Variants in FNIP2 observed in about 807,000 individuals in gnomAD.
FNIP2 encodes folliculin-interacting protein 2.
In FNIP2, 32 loss-of-function variants were observed where a neutral mutation model predicts 108.7. The observed-to-expected ratio is 0.29, with a 90% CI of 0.22 to 0.40. The LOEUF (loss-of-function observed/expected upper bound fraction) is 0.40. FNIP2 is among the 10% of genes least tolerant of loss of function. FNIP2 has a pLI of 1.00. For missense variants in FNIP2, 1,202 were observed against 1,381.6 expected (o/e 0.87, Z 2.06); for synonymous variants, 480 against 496.7 (o/e 0.97, Z 0.45).
chr4:158,797,902 C>G (rs1245199027), intron 1 of FNIP2, among the ~76,000 whole-genome samples: 1 of 152,150 alleles, frequency 6.6e-6, no homozygotes, highest in African/African-American at 2.4e-5. Context: ...CTGGCAAGAC[C>G]TTCTCCCACA....
At chr4:158,775,713 ACTTT>A (rs1282832803) in intron 1 of FNIP2, among the ~76,000 whole-genome samples, 4 of 152,082 alleles carry the variant, frequency 2.6e-5, no homozygotes, top group Admixed American at 2.0e-4. Context: ...TCCTTATTGC[ACTTT>A]CTGTTTGTGC....
At chr4:158,795,635 G>A (rs970005104) in intron 1 of FNIP2, among the ~76,000 whole-genome samples, 8 of 152,150 alleles carry the variant, frequency 5.3e-5, no homozygotes, top group South Asian at 2.1e-4. Flanking sequence ...CCCTAAACCA[G>A]GGGTCCCCAA....
chr4:158,899,539 G>A (rs1369379749), intron 16 of FNIP2, among the ~76,000 whole-genome samples: 1 of 152,214 alleles, frequency 6.6e-6, no homozygotes, highest in Admixed American at 6.5e-5. Flanking sequence ...CTTGTTATCA[G>A]TCTATTCAGG....
chr4:158,868,436 G>A lies in FNIP2; in HGVS notation c.1800G>A (p.Glu600=). ...RHNPWPTGFP[E]CPEGTDSRDL... ...ACCCCTGGCCGACAGGGTTTCCTGAGTGCCCAGAGGGCACTGACAGTAGAG... is the reference window on the plus strand; with the variant it reads ...ACCCCTGGCCGACAGGGTTTCCTGAATGCCCAGAGGGCACTGACAGTAGAG... The change falls in exon 13 of 17, where the codon GAG becomes GAA. Residue 600 remains glutamate (E), a synonymous_variant. Transcript: ENST00000264433. The surrounding 1 kb of genome is among the most constrained non-coding windows in gnomAD (Gnocchi z 4.6). 1 of 1,613,996 alleles carries A rather than the reference G, an allele frequency of 6.2e-7. No individual in the cohort carries two copies. Among genetic ancestry groups the A allele is most frequent in the Non-Finnish European group, 8.5e-7 (1 of 1,179,886 alleles).
intron 7 of FNIP2, among the ~76,000 whole-genome samples, chr4:158,847,871 TG>T: frequency 6.6e-6 from 1 of 152,290 alleles, no homozygotes; most frequent in Middle Eastern, 3.4e-3. Flanking sequence ...GTAGCCACTA[TG>T]GGCCCGTGGT....
chr4:158,785,986 A>T (rs1012082646), intron 1 of FNIP2, among the ~76,000 whole-genome samples: 9 of 152,216 alleles, frequency 5.9e-5, no homozygotes, highest in Non-Finnish European at 1.3e-4. Flanking sequence ...TCATAAGAAT[A>T]GTTTGAAGAT....
intron 1 of FNIP2, among the ~76,000 whole-genome samples, chr4:158,788,359 A>G (rs1776291559): frequency 6.6e-6 from 1 of 152,224 alleles, no homozygotes; most frequent in Non-Finnish European, 1.5e-5. Context: ...ATCTGTATTC[A>G]CTTTGCAATA....
intron 1 of FNIP2, among the ~76,000 whole-genome samples, chr4:158,792,651 A>G (rs1191844604): frequency 6.6e-6 from 1 of 152,224 alleles, no homozygotes; most frequent in African/African-American, 2.4e-5. Flanking sequence ...AAAATGTTGT[A>G]ATCAGCGGCT....
At position 158,907,920 on chromosome 4, in the gene FNIP2, A is replaced by ACTT. The variant is rs1729980698; in HGVS notation, c.*3378_*3380dup. On this transcript the variant is annotated 3_prime_UTR_variant, in exon 17 of 17. Transcript: ENST00000264433. ...AAGCTCCATAAGAGAAATTGATAGG[A>ACTT]CTTCGTTTTTGATCAGTCTGAATAG... is the stretch of plus-strand genomic sequence containing the variant. 6.6e-6 allele frequency: 1 copy of ACTT among 152,194 alleles called. No homozygotes were observed. Among genetic ancestry groups the ACTT allele is most frequent in the East Asian group, 1.9e-4 (1 of 5,196 alleles). The allele number at this position is 152,194 out of a possible 1,614,324, so 9.4% of individuals were successfully genotyped here.
chr4:158,843,383 C>G (rs923185096), intron 7 of FNIP2, among the ~76,000 whole-genome samples: 1 of 152,210 alleles, frequency 6.6e-6, no homozygotes, highest in South Asian at 2.1e-4. Flanking sequence ...TCATCCTGCA[C>G]ATACTGTTTG....
In FNIP2 at chr4:158,859,028, C is replaced by A. The variant is rs748362947; in HGVS notation, c.858-29C>A. ...TTCAGTGTGACTCACTGATGCATGG[C>A]AACTTTTCAAACTTATATTTCCCTC... On this transcript the variant is annotated intron_variant, in intron 8 of 16. Coordinates refer to ENST00000264433, the MANE Select transcript of FNIP2 (RefSeq NM_020840.3). 5.6e-6 allele frequency: 9 copies of A among 1,606,722 alleles called. No homozygotes were observed. In the East Asian group the frequency reaches 2.0e-4, roughly 36 times the overall value.
At chr4:158,870,516 T>G (rs1331405832) in intron 14 of FNIP2, 47 bp downstream of exon 14, 10 of 1,559,622 alleles carry the variant, frequency 6.4e-6, no homozygotes, top group Non-Finnish European at 7.8e-6. Context: ...AGTGTGTCAG[T>G]CAAGGTCTTG....
At chr4:158,865,711 G>T (rs1009356018) in intron 12 of FNIP2, among the ~76,000 whole-genome samples, 5 of 152,120 alleles carry the variant, frequency 3.3e-5, no homozygotes, top group African/African-American at 1.2e-4. Context: ...ATATCCTGCG[G>T]CAATAGGCAG....
intron 16 of FNIP2, among the ~76,000 whole-genome samples, 180 bp from the exon 17 acceptor site, chr4:158,904,286 A>G (rs1020412378): frequency 2.0e-5 from 3 of 152,182 alleles, no homozygotes; most frequent in Admixed American, 6.5e-5. Context: ...GTCCACTGGA[A>G]TATTTTATTA....
chr4:158,855,856 A>G (rs1363661888), intron 8 of FNIP2, among the ~76,000 whole-genome samples: 1 of 152,232 alleles, frequency 6.6e-6, no homozygotes, highest in Non-Finnish European at 1.5e-5. Flanking sequence ...GGTACCAAAC[A>G]CTATGATTGC....
In FNIP2 at chr4:158,904,649, C is replaced by T; in HGVS notation, c.*105C>T. The T allele has an allele frequency of 1.0e-6, 1 of 959,974 alleles. No individual in the cohort carries two copies. The highest frequency in any genetic ancestry group is 1.6e-6 in the Non-Finnish European group (1 of 622,256). The allele number at this position is 959,974 out of a possible 1,614,324, so 59.5% of individuals were successfully genotyped here. A position where few individuals can be genotyped will look rare whatever the true frequency, so the allele number is the denominator to read the frequency against. ...ATGTCAAAAGCATGAGAAGAGCAAA[C>T]AGAAACAGTCATTCCACCTTTTTGT... is the stretch of plus-strand genomic sequence containing the variant. On this transcript the variant is annotated 3_prime_UTR_variant, in exon 17 of 17. Coordinates refer to ENST00000264433, the MANE Select transcript of FNIP2 (RefSeq NM_020840.3).
At chr4:158,834,538 G>C (rs1778690405) in intron 6 of FNIP2, 1 of 152,066 alleles carries the variant, frequency 6.6e-6, no homozygotes. Context: ...CTGACACCCT[G>C]ATAAAATTGA....
At chr4:158,836,425 A>G (rs1331715914) in intron 7 of FNIP2, 1 of 152,142 alleles carries the variant, frequency 6.6e-6, no homozygotes, top group Non-Finnish European at 1.5e-5. Flanking sequence ...AAGTAATAGC[A>G]TTTTATTTAT....
At position 158,906,349 on chromosome 4, in the gene FNIP2, T is replaced by G. The variant is rs907644640; in HGVS notation, c.*1805T>G. 6.6e-6 allele frequency: 1 copy of G among 152,206 alleles called. No individual in the cohort carries two copies. Among genetic ancestry groups the G allele is most frequent in the African/African-American group, 2.4e-5 (1 of 41,448 alleles). 9.4% of individuals were successfully genotyped at this position (152,206 alleles called of 1,614,324 possible). On this transcript the variant is annotated 3_prime_UTR_variant, in exon 17 of 17. Transcript: ENST00000264433. The stretch of plus-strand genomic sequence containing the variant: ...GCATTCCCCTCGTCTCTAGTTCCTT[T>G]TTTCTTGTTTACATGTTTTGGGCAC...
Sources: gnomAD v4.1 joint callset for allele counts (sites outside exome capture counted in the v4.1 genomes callset) on GRCh38, gnomAD v4.1.1 for gene constraint, Gnocchi (gnomAD v3.1) non-coding constraint, MANE v1.5 for transcripts, NCBI Gene and HGNC (gene_info 2026-07-23, HGNC 2026-07-21) for gene names.